The following HERC1 variants were observed in gnomAD, a reference collection of about 807,000 sequenced individuals.
HERC1 encodes the protein HECT and RLD domain containing E3 ubiquitin protein ligase family member 1, also known as probable E3 ubiquitin-protein ligase HERC1.
A neutral mutation model predicts 554.3 loss-of-function variants in HERC1; 160 were observed. The ratio of observed to expected loss-of-function variants is 0.29; its 90% CI spans 0.25 to 0.33. HERC1 has a LOEUF of 0.33. HERC1 is among the 10% of genes least tolerant of loss of function. The probability of loss-of-function intolerance (pLI) is 1.00; values close to 1 mark genes in which losing one functional copy is unlikely to be tolerated. For missense variants in HERC1, 4,919 were observed against 5,918.5 expected (o/e 0.83, Z 5.54); for synonymous variants, 2,175 against 2,131.7 (o/e 1.02, Z -0.56).
rs757076215 is a variant in HERC1, at chr15:63,749,599, A to G, written c.2047+48T>C. 5.7e-6 allele frequency: 9 copies of G among 1,580,152 alleles called. No homozygotes were observed. In the East Asian group the frequency reaches 2.1e-4, roughly 37 times the overall value. Reference sequence around the variant, plus strand: ...AGCCAAATTCAAATGTAATATATTTACACAAGACAACAGTTAATACTATTT... The same window carrying G: ...AGCCAAATTCAAATGTAATATATTTGCACAAGACAACAGTTAATACTATTT... On this transcript the variant is annotated intron_variant, in intron 9 of 77. Coordinates refer to ENST00000443617, the MANE Select transcript of HERC1 (RefSeq NM_003922.4). This position sits in a 1 kb window ranked among gnomAD's most constrained non-coding sequence, Gnocchi z 4.1.
intron 1 of HERC1, among the ~76,000 whole-genome samples, chr15:63,796,867 T>C (rs2076829686): frequency 6.6e-6 from 1 of 152,194 alleles, no homozygotes; most frequent in African/African-American, 2.4e-5. Flanking sequence ...GGCCTCCAGG[T>C]AACAGGCTTC....
In HERC1 at chr15:63,674,592, C is replaced by T. The variant is rs375693017; in HGVS notation, c.7596G>A (p.Leu2532=). ...LLGCSKYAEL[L]LIPKVLAENG... ...TTTCAGCCAGAACTTTTGGTATCAG[C>T]AACAGCTCAGCATATTTACTACAGC... Residue 2532 remains leucine, a synonymous_variant, in exon 38 of 78, where the codon TTG becomes TTA. Transcript: ENST00000443617. 6.8e-6 allele frequency: 11 copies of T among 1,612,418 alleles called. No homozygotes were observed. Among genetic ancestry groups the T allele is most frequent in the African/African-American group, 1.3e-5 (1 of 74,896 alleles).
chr15:63,656,105 C>G lies in HERC1; in HGVS notation c.9853G>C (p.Val3285Leu). ...TAGCTTACCTGTGTACACAACTGTA[C>G]AAGCAGTTTGGCAGCACTAGGAGCA... ...SNAPSAAKLLVQLCTQNLISA... is the reference protein window; with the variant it reads ...SNAPSAAKLLLQLCTQNLISA... Residue 3285 changes from valine to leucine, a missense_variant, in exon 49 of 78, where the codon GTA (valine) becomes CTA (leucine). Coordinates refer to ENST00000443617, the MANE Select transcript of HERC1 (RefSeq NM_003922.4). 6.2e-7 allele frequency: 1 copy of G among 1,612,860 alleles called. No homozygotes were observed. Among genetic ancestry groups the G allele is most frequent in the Non-Finnish European group, 8.5e-7 (1 of 1,179,372 alleles).
chr15:63,742,232 T>C (rs538247184), intron 12 of HERC1, among the ~76,000 whole-genome samples: 6 of 152,358 alleles, frequency 3.9e-5, no homozygotes, highest in Admixed American at 3.9e-4. Context: ...AAGTATCCTA[T>C]TCTTTTTGAT....
chr15:63,694,301 A>G lies in HERC1; in HGVS notation c.5480+11T>C, dbSNP rs757944682. The G allele has an allele frequency of 6.2e-7, 1 of 1,607,366 alleles. No individual in the cohort carries two copies. Among genetic ancestry groups the G allele is most frequent in the Non-Finnish European group, 8.5e-7 (1 of 1,176,298 alleles). On this transcript the variant is annotated intron_variant, in intron 29 of 77. Coordinates refer to ENST00000443617, the MANE Select transcript of HERC1 (RefSeq NM_003922.4). This position sits in a 1 kb window ranked among gnomAD's most constrained non-coding sequence, Gnocchi z 4.3. ...TTCATACAGTTCTACAAAGACATCT[A>G]CCATACTTACCCAGTAGTGATGGCT...
At chr15:63,658,794 T>A in intron 47 of HERC1, 76 bp from the exon 48 acceptor site, 1 of 1,204,140 alleles carries the variant, frequency 8.3e-7, no homozygotes, top group Non-Finnish European at 1.1e-6. Flanking sequence ...ACATTTCCTA[T>A]TCTACAGAGG....
At chr15:63,813,630 C>T (rs1327746869) in intron 1 of HERC1, among the ~76,000 whole-genome samples, 1 of 152,118 alleles carries the variant, frequency 6.6e-6, no homozygotes, top group Non-Finnish European at 1.5e-5. Context: ...AACAGGTCAG[C>T]TATTAGTGTG....
intron 3 of HERC1, among the ~76,000 whole-genome samples, chr15:63,759,538 T>C (rs970275512): frequency 6.6e-6 from 1 of 152,230 alleles, no homozygotes; most frequent in Non-Finnish European, 1.5e-5. Context: ...GCCCTTATCT[T>C]AACTTCACAT....
intron 1 of HERC1, among the ~76,000 whole-genome samples, chr15:63,817,480 C>T (rs1042632945): frequency 6.6e-6 from 1 of 152,050 alleles, no homozygotes; most frequent in Non-Finnish European, 1.5e-5. Flanking sequence ...TTTGGGTGGC[C>T]GAGGCAGGTG....
In HERC1 at chr15:63,698,743, C is replaced by G; in HGVS notation, c.4890G>C (p.Gln1630His). The change falls in exon 26 of 78, where the codon CAG becomes CAC. Residue 1630 changes from glutamine to histidine, a missense_variant. Physicochemically the swap from Gln to His is conservative, Grantham distance 24. Transcript: ENST00000443617. ...PQASIIAMEQ[Q>H]QLRAELRLEA... ...AAAGACTTACTTCTGCCCTTAACTGCTGCTGTTCCATTGCAATGATGGAGG... is the reference window on the plus strand; with the variant it reads ...AAAGACTTACTTCTGCCCTTAACTGGTGCTGTTCCATTGCAATGATGGAGG... The G allele has an allele frequency of 1.9e-6, 3 of 1,613,626 alleles. No homozygotes were observed. Among genetic ancestry groups the G allele is most frequent in the Non-Finnish European group, 2.5e-6 (3 of 1,179,694 alleles).
At chr15:63,662,852 T>C in intron 44 of HERC1, 132 bp downstream of exon 44, 2 of 640,352 alleles carry the variant, frequency 3.1e-6, no homozygotes, top group Non-Finnish European at 5.4e-6. Context: ...TAACTTTAAA[T>C]CCCCAAACCT....
Position 63,643,431 on chromosome 15 carries a change from A to C in HERC1, c.11304T>G (p.Gly3768=). The change falls in exon 58 of 78, where the codon GGT becomes GGG. Residue 3768 remains glycine, a synonymous_variant. Coordinates refer to ENST00000443617, the MANE Select transcript of HERC1 (RefSeq NM_003922.4). ...DGLALVSGGL[G]GLMNIWSLRD... ...TTAAAGACCAAATGTTCATGAGCCC[A>C]CCTAGTCCACCAGACACCAGGGCCA... 1 of 1,613,496 alleles carries C rather than the reference A, an allele frequency of 6.2e-7. No homozygotes were observed. Among genetic ancestry groups the C allele is most frequent in the Non-Finnish European group, 8.5e-7 (1 of 1,179,656 alleles).
intron 1 of HERC1, among the ~76,000 whole-genome samples, chr15:63,825,285 C>T (rs915863499): frequency 3.3e-5 from 5 of 152,006 alleles, no homozygotes; most frequent in African/African-American, 9.7e-5. Context: ...GGTGACAGAG[C>T]AAGACTCTGT....
chr15:63,770,887 TG>T (rs776891615), intron 2 of HERC1, among the ~76,000 whole-genome samples: 1 of 152,074 alleles, frequency 6.6e-6, no homozygotes, highest in Non-Finnish European at 1.5e-5. Context: ...AACAGTAAAG[TG>T]TAAGAAACAT....
intron 12 of HERC1, among the ~76,000 whole-genome samples, chr15:63,744,825 A>G (rs1274243012): frequency 6.6e-6 from 1 of 152,058 alleles, no homozygotes; most frequent in Non-Finnish European, 1.5e-5. Flanking sequence ...GGATCCCAAG[A>G]GTGTATTTGG....
At chr15:63,751,980 G>A (rs911909713) in intron 8 of HERC1, among the ~76,000 whole-genome samples, 2 of 152,046 alleles carry the variant, frequency 1.3e-5, no homozygotes, top group African/African-American at 4.8e-5. Flanking sequence ...AAAAAAAGAA[G>A]CACATGATGC....
chr15:63,768,467 C>G (rs867981589), intron 2 of HERC1, among the ~76,000 whole-genome samples: 1 of 152,232 alleles, frequency 6.6e-6, no homozygotes, highest in Non-Finnish European at 1.5e-5. Context: ...CCTAGACATA[C>G]AATGTGTTGC....
intron 2 of HERC1, among the ~76,000 whole-genome samples, chr15:63,769,523 G>T (rs1308273792): frequency 6.6e-6 from 1 of 152,022 alleles, no homozygotes. Flanking sequence ...TCAACATGAT[G>T]GAAAGTTCAA....
Position 63,624,297 on chromosome 15 carries a change from A to G in HERC1, c.13306T>C (p.Trp4436Arg). 1 of 1,611,660 alleles carries G rather than the reference A, an allele frequency of 6.2e-7. No homozygotes were observed. The highest frequency in any genetic ancestry group is 8.5e-7 in the Non-Finnish European group (1 of 1,178,248). The change falls in exon 72 of 78, where the codon TGG (tryptophan) becomes CGG (arginine). Residue 4436 changes from tryptophan (W) to arginine (R), a missense_variant. Coordinates refer to ENST00000443617, the MANE Select transcript of HERC1 (RefSeq NM_003922.4). ...NSTSHYNAGT[W>R]GIVQGQLRPL... ...CGAAGTTGTCCCTGTACAATGCCCCAAGTTCCAGCATTATAATGGGATGTG... is the reference window on the plus strand; with the variant it reads ...CGAAGTTGTCCCTGTACAATGCCCCGAGTTCCAGCATTATAATGGGATGTG...
Sources: allele counts gnomAD v4.1 joint callset (sites outside exome capture counted in the v4.1 genomes callset), GRCh38; gene constraint gnomAD v4.1.1; non-coding constraint Gnocchi (gnomAD v3.1); transcripts MANE v1.5; gene names NCBI Gene and HGNC (gene_info 2026-07-23, HGNC 2026-07-21).